ADAMTS2: variants seen among roughly 807,000 people sequenced by gnomAD.
ADAMTS2 encodes the protein A disintegrin and metalloproteinase with thrombospondin motifs 2.
In ADAMTS2, 50 loss-of-function variants were observed where a neutral mutation model predicts 123.0. The ratio of observed to expected loss-of-function variants is 0.41; its 90% CI spans 0.32 to 0.51. The LOEUF is 0.51. Ranked by LOEUF, ADAMTS2 falls within the 20% of genes least tolerant of loss-of-function variation. The probability of loss-of-function intolerance (pLI) is 0.35; values close to 1 mark genes in which losing one functional copy is unlikely to be tolerated. For missense variants in ADAMTS2, 1,494 were observed against 1,705.2 expected (o/e 0.88, Z 2.18); for synonymous variants, 678 against 695.4 (o/e 0.98, Z 0.39).
At position 179,132,668 on chromosome 5, in the gene ADAMTS2, A is replaced by G. The variant is rs1762985235; in HGVS notation, c.2209+109T>C. 1 of 1,477,892 alleles carries G rather than the reference A, an allele frequency of 6.8e-7. No homozygotes were observed. The highest frequency in any genetic ancestry group is 1.4e-5 in the African/African-American group (1 of 71,726). 91.5% of individuals were successfully genotyped at this position (1,477,892 alleles called of 1,614,324 possible). A position where few individuals can be genotyped will look rare whatever the true frequency, so the allele number is the denominator to read the frequency against. On this transcript the variant is annotated intron_variant, in intron 14 of 21. Transcript: ENST00000251582. This position sits in a 1 kb window ranked among gnomAD's most constrained non-coding sequence, Gnocchi z 6.1. The stretch of plus-strand genomic sequence containing the variant: ...GTCACAGACCTCTCCCCCTCCCCAG[A>G]ACAGTCATAAGCCCGGACAGCCCCA...
chr5:179,305,160 T>C (rs1008546494), intron 2 of ADAMTS2, among the ~76,000 whole-genome samples: 11 of 152,022 alleles, frequency 7.2e-5, no homozygotes, highest in African/African-American at 2.4e-4. Context: ...GCAAAACTTA[T>C]AGAATGTGTG....
intron 18 of ADAMTS2, 30 bp downstream of exon 18, chr5:179,125,968 C>T (rs1455939921): frequency 1.2e-6 from 2 of 1,612,944 alleles, no homozygotes; most frequent in South Asian, 2.2e-5. Context: ...CCTGTCTCCT[C>T]TAGTGGGAGC....
intron 2 of ADAMTS2, among the ~76,000 whole-genome samples, chr5:179,280,637 C>T (rs889454586): frequency 2.6e-5 from 4 of 152,146 alleles, no homozygotes; most frequent in African/African-American, 9.7e-5. Flanking sequence ...TCCCAGCAGC[C>T]GTCTGTCCCT....
At chr5:179,176,562 C>T (rs1022062853) in intron 5 of ADAMTS2, among the ~76,000 whole-genome samples, 4 of 152,172 alleles carry the variant, frequency 2.6e-5, no homozygotes, top group Admixed American at 6.5e-5. Flanking sequence ...CACATCCTCT[C>T]GAAGTGGCCT....
Position 179,261,488 on chromosome 5 carries a change from G to A in ADAMTS2, c.688+11423C>T, listed in dbSNP as rs190558803. On this transcript the variant is annotated intron_variant, in intron 3 of 21. Coordinates refer to ENST00000251582, the MANE Select transcript of ADAMTS2 (RefSeq NM_014244.5). ...TGATGGCTGCTCAGGGCCAGGGCTC[G>A]AGCGCGTCTGGGCTGGCTCAGGCCG... Among the ~76,000 whole-genome samples the A allele has an allele frequency of 3.8e-3, 578 of 152,278 alleles. 4 individuals are homozygous for A. Among genetic ancestry groups the A allele is most frequent in the African/African-American group, 0.013 (548 of 41,556 alleles).
intron 1 of ADAMTS2, 107 bp from the exon 2 acceptor site, chr5:179,344,268 A>C (rs1757873355): frequency 7.1e-7 from 1 of 1,409,962 alleles, no homozygotes; most frequent in Non-Finnish European, 9.6e-7. Flanking sequence ...TGCGAAGGGA[A>C]GGGGCATTCC....
At chr5:179,316,887 G>A (rs573681891) in intron 2 of ADAMTS2, among the ~76,000 whole-genome samples, 1 of 152,276 alleles carries the variant, frequency 6.6e-6, no homozygotes, top group South Asian at 2.1e-4. Flanking sequence ...GTTGCAGGGA[G>A]CTACGATTGC....
chr5:179,177,298 TTA>T (rs1349743447), intron 5 of ADAMTS2, among the ~76,000 whole-genome samples: 2 of 152,244 alleles, frequency 1.3e-5, no homozygotes, highest in Non-Finnish European at 2.9e-5. Context: ...TCTTTATACA[TTA>T]TTCAATTAAA....
In ADAMTS2 at chr5:179,155,555, C is replaced by A. The variant is rs1763451750; in HGVS notation, c.1133-636G>T. Among the ~76,000 whole-genome samples, 1 of 152,210 alleles carries A rather than the reference C, an allele frequency of 6.6e-6. No homozygotes were observed. The highest frequency in any genetic ancestry group is 1.5e-5 in the Non-Finnish European group (1 of 68,036). On this transcript the variant is annotated intron_variant, in intron 6 of 21. Coordinates refer to ENST00000251582, the MANE Select transcript of ADAMTS2 (RefSeq NM_014244.5). This position sits in a 1 kb window ranked among gnomAD's most constrained non-coding sequence, Gnocchi z 5.1. ...GCTGGTGCGGACTGGGAGGTCAGAG[C>A]CGCCGTAGAAGATGAGGCCAGTGGC...
At position 179,291,007 on chromosome 5, in the gene ADAMTS2, C is replaced by A. The variant is rs1024061787; in HGVS notation, c.535-17943G>T. 3.9e-5 allele frequency among the ~76,000 whole-genome samples: 6 copies of A among 152,200 alleles called. No homozygotes were observed. In the East Asian group the frequency reaches 9.6e-4, roughly 24 times the overall value. On this transcript the variant is annotated intron_variant, in intron 2 of 21. Coordinates refer to ENST00000251582, the MANE Select transcript of ADAMTS2 (RefSeq NM_014244.5). ...GCCCTGTGCATGGGGCCACGGATGC[C>A]CCAGGAGCTCTAGGGCTGTTGACTA...
rs1756575874 is a variant in ADAMTS2, at chr5:179,303,056, T to G, written c.535-29992A>C. 6.6e-6 allele frequency among the ~76,000 whole-genome samples: 1 copy of G among 151,562 alleles called. No individual in the cohort carries two copies. The highest frequency in any genetic ancestry group is 1.5e-5 in the Non-Finnish European group (1 of 67,926). ...GGGGCAGACTGCACAGAGCTTCCTC[T>G]GCTGTGGGGAGGAGATTGGATTTTC... is the stretch of plus-strand genomic sequence containing the variant. On this transcript the variant is annotated intron_variant, in intron 2 of 21. Coordinates refer to ENST00000251582, the MANE Select transcript of ADAMTS2 (RefSeq NM_014244.5). The surrounding 1 kb of genome is among the most constrained non-coding windows in gnomAD (Gnocchi z 4.7).
chr5:179,171,029 A>G (rs1380792608), intron 5 of ADAMTS2, among the ~76,000 whole-genome samples: 1 of 152,254 alleles, frequency 6.6e-6, no homozygotes, highest in East Asian at 1.9e-4. Context: ...TTTTATAGCA[A>G]TTGGACGGGT....
At chr5:179,323,002 G>A (rs188048736) in intron 2 of ADAMTS2, among the ~76,000 whole-genome samples, 229 of 152,348 alleles carry the variant, frequency 1.5e-3, no homozygotes, top group African/African-American at 4.9e-3. Flanking sequence ...CAGGACTGGC[G>A]GGAGGCAGAA....
At chr5:179,131,097 G>A (rs1384345938) in intron 15 of ADAMTS2, among the ~76,000 whole-genome samples, 10 of 151,946 alleles carry the variant, frequency 6.6e-5, no homozygotes. Flanking sequence ...CGGATCACGA[G>A]GTCAGGAAAT....
intron 2 of ADAMTS2, among the ~76,000 whole-genome samples, chr5:179,326,201 CGTGTGTGTGTGTGTGT>C (rs60626964): frequency 1.3e-5 from 2 of 148,594 alleles, no homozygotes; most frequent in Admixed American, 6.7e-5. Context: ...TTTGTGTGTG[CGTGTGTGTGTGTGTGT>C]GTGTGTGTGT....
chr5:179,227,933 A>T (rs1048299227), intron 3 of ADAMTS2, among the ~76,000 whole-genome samples: 5 of 151,918 alleles, frequency 3.3e-5, no homozygotes, highest in Non-Finnish European at 7.4e-5. Flanking sequence ...TGAGAGGGGG[A>T]GTCACAGCTT....
intron 4 of ADAMTS2, among the ~76,000 whole-genome samples, chr5:179,199,424 C>T (rs544657539): frequency 2.6e-4 from 39 of 152,328 alleles, no homozygotes; most frequent in East Asian, 3.9e-4. Context: ...GCCCGTGTTT[C>T]GGCAGAGGTG....
At chr5:179,287,504 G>A (rs1322927969) in intron 2 of ADAMTS2, among the ~76,000 whole-genome samples, 7 of 152,210 alleles carry the variant, frequency 4.6e-5, no homozygotes. Flanking sequence ...CCTGCAGAGA[G>A]GCTGGCTAAG....
At chr5:179,198,794 A>G (rs1764490285) in intron 4 of ADAMTS2, among the ~76,000 whole-genome samples, 2 of 150,768 alleles carry the variant, frequency 1.3e-5, no homozygotes, top group Admixed American at 6.6e-5. Context: ...AGATCATGCC[A>G]TTGCACTCCA....
Sources: allele counts gnomAD v4.1 joint callset (sites outside exome capture counted in the v4.1 genomes callset), GRCh38; gene constraint gnomAD v4.1.1; non-coding constraint Gnocchi (gnomAD v3.1); transcripts MANE v1.5; gene names NCBI Gene and HGNC (gene_info 2026-07-23, HGNC 2026-07-21).